CHAT: variants seen among roughly 807,000 people sequenced by gnomAD.
CHAT encodes choline O-acetyltransferase, also known as acetyl CoA:choline O-acetyltransferase.
Under a neutral mutation model 76.9 loss-of-function variants are expected in CHAT, and 61 were observed. That is an observed-to-expected ratio of 0.79 (90% confidence interval 0.65 to 0.98). The LOEUF (loss-of-function observed/expected upper bound fraction) is 0.98. CHAT is among the 50% of genes least tolerant of loss of function. CHAT has a pLI of 0.00. For synonymous variants in CHAT, 407 were observed against 397.4 expected (o/e 1.02, Z -0.29); for missense variants, 946 against 986.9 (o/e 0.96, Z 0.56).
At chr10:49,626,813 CA>C (rs1838938346) in intron 6 of CHAT, among the ~76,000 whole-genome samples, 1 of 152,242 alleles carries the variant, frequency 6.6e-6, no homozygotes, top group African/African-American at 2.4e-5. Context: ...AGACCCTTCA[CA>C]AAGCCCAAGG....
Position 49,633,604 on chromosome 10 carries a change from T to C in CHAT, c.1111+5819T>C, listed in dbSNP as rs11101188. Among the ~76,000 whole-genome samples, 1,521 of 152,276 alleles carry C rather than the reference T, an allele frequency of 1.0e-2. 23 individuals carry two copies. The highest frequency in any genetic ancestry group is 0.034 in the African/African-American group (1,405 of 41,572). On this transcript the variant is annotated intron_variant, in intron 7 of 14. Coordinates refer to ENST00000337653, the MANE Select transcript of CHAT (RefSeq NM_020549.5). ...ACCCTATTAGGACCTCCCTCCCCAC[T>C]GCCTCGAAGCTGTGGCCTTCCTGAA...
intron 7 of CHAT, among the ~76,000 whole-genome samples, chr10:49,628,446 C>T (rs1199015994): frequency 6.6e-6 from 1 of 152,102 alleles, no homozygotes; most frequent in African/African-American, 2.4e-5. Context: ...CTTTATTTAC[C>T]CCTCAGAATT....
At chr10:49,641,515 G>A (rs116800511) in intron 7 of CHAT, among the ~76,000 whole-genome samples, 398 of 152,308 alleles carry the variant, frequency 2.6e-3, no homozygotes, top group African/African-American at 8.9e-3. Context: ...TTTTGCAAGA[G>A]TGAGAAATAC....
chr10:49,648,152 G>A (rs1348811262), intron 8 of CHAT: 1 of 386,644 alleles, frequency 2.6e-6, no homozygotes, highest in Non-Finnish European at 4.8e-6. Context: ...CCCGATGTGA[G>A]CTATGACAGG....
intron 7 of CHAT, among the ~76,000 whole-genome samples, chr10:49,640,469 C>G (rs1839442304): frequency 2.0e-5 from 3 of 151,138 alleles, no homozygotes; most frequent in Non-Finnish European, 3.0e-5. Flanking sequence ...TGTTGACACC[C>G]TGGGGGAGGG....
intron 13 of CHAT, among the ~76,000 whole-genome samples, chr10:49,658,172 A>T (rs940324426): frequency 6.6e-6 from 1 of 152,048 alleles, no homozygotes; most frequent in African/African-American, 2.4e-5. Context: ...ACCTGAGGTC[A>T]GGAGATCGAG....
chr10:49,618,816 C>T (rs10857518), intron 2 of CHAT, among the ~76,000 whole-genome samples: 40 of 152,048 alleles, frequency 2.6e-4, no homozygotes, highest in Non-Finnish European at 2.9e-5. Context: ...TTGGGAATTC[C>T]TCTGGAAGTA....
At chr10:49,635,749 T>C (rs1302016132) in intron 7 of CHAT, among the ~76,000 whole-genome samples, 1 of 152,170 alleles carries the variant, frequency 6.6e-6, no homozygotes, top group African/African-American at 2.4e-5. Context: ...TAAAATCTCT[T>C]AGAGAACTAG....
At position 49,658,069 on chromosome 10, in the gene CHAT, T is replaced by G. The variant is rs1840085581; in HGVS notation, c.1839+2621T>G. Among the ~76,000 whole-genome samples the G allele has an allele frequency of 2.0e-5, 3 of 152,192 alleles. No individual in the cohort carries two copies. In the South Asian group the frequency reaches 6.2e-4, roughly 32 times the overall value. ...AACACCAACAAACATTTTTGCTAAT[T>G]AAAAAAATCTTTTTAAAAAAACTTA... On this transcript the variant is annotated intron_variant, in intron 13 of 14. Coordinates refer to ENST00000337653, the MANE Select transcript of CHAT (RefSeq NM_020549.5).
intron 7 of CHAT, among the ~76,000 whole-genome samples, chr10:49,645,789 C>A (rs1431975111): frequency 6.6e-6 from 1 of 152,138 alleles, no homozygotes; most frequent in African/African-American, 2.4e-5. Context: ...AGAAGAATGT[C>A]TAGAGGAGCC....
chr10:49,639,885 T>C (rs1839422994), intron 7 of CHAT, among the ~76,000 whole-genome samples: 1 of 152,200 alleles, frequency 6.6e-6, no homozygotes, highest in Non-Finnish European at 1.5e-5. Context: ...TTAGACTCTG[T>C]TCCTTTTCCC....
At chr10:49,664,682 C>A in intron 14 of CHAT, 95 bp from the exon 15 acceptor site, 2 of 1,487,508 alleles carry the variant, frequency 1.3e-6, no homozygotes, top group Non-Finnish European at 1.9e-6. Flanking sequence ...TTAATTCAGT[C>A]AAACCCCCAG....
intron 7 of CHAT, among the ~76,000 whole-genome samples, chr10:49,641,997 G>T (rs1243734027): frequency 6.6e-6 from 1 of 152,128 alleles, no homozygotes; most frequent in Admixed American, 6.5e-5. Context: ...CAGCCTCAGG[G>T]CTCCCCGAGG....
At chr10:49,616,126 G>A (rs760800835) in intron 1 of CHAT, 1 of 1,585,270 alleles carries the variant, frequency 6.3e-7, no homozygotes, top group Non-Finnish European at 8.7e-7. Flanking sequence ...TAGTGGGAAA[G>A]AGAGAGTTTG....
upstream of CHAT, among the ~76,000 whole-genome samples, chr10:49,610,112 G>C (rs531391164): frequency 3.2e-3 from 486 of 151,968 alleles, 3 homozygotes; most frequent in African/African-American, 0.011. Flanking sequence ...CACACCGAGA[G>C]CCCTTCCTGG....
intron 13 of CHAT, 36 bp from the exon 14 acceptor site, chr10:49,662,609 C>G (rs746000750): frequency 6.2e-7 from 1 of 1,613,382 alleles, no homozygotes; most frequent in Non-Finnish European, 8.5e-7. Context: ...AGGAGGCCCA[C>G]TTCTCATCTC....
At chr10:49,625,436 C>T in intron 5 of CHAT, 37 bp from the exon 6 acceptor site, 1 of 1,604,238 alleles carries the variant, frequency 6.2e-7, no homozygotes, top group Non-Finnish European at 8.5e-7. Flanking sequence ...CCCACCATCC[C>T]CTCGTGGCTG....
Position 49,664,755 on chromosome 10 carries a change from C to A in CHAT, c.1978-22C>A, listed in dbSNP as rs200076983. 2.7e-4 allele frequency: 436 copies of A among 1,614,180 alleles called. 2 individuals are homozygous for A. In the Middle Eastern group the frequency reaches 3.6e-3, roughly 13 times the overall value. ...GGGCTGCATTCCAGAACAAGCAGCT[C>A]CTGACCTGTCCTCTCCTCCAGGTGC... On this transcript the variant is annotated intron_variant, in intron 14 of 14. Coordinates refer to ENST00000337653, the MANE Select transcript of CHAT (RefSeq NM_020549.5).
chr10:49,626,419 C>A (rs1215430015), intron 6 of CHAT, among the ~76,000 whole-genome samples: 1 of 152,212 alleles, frequency 6.6e-6, no homozygotes, highest in East Asian at 1.9e-4. Flanking sequence ...AGTTTGGCAA[C>A]CATCCCAGGG....
Sources: allele counts gnomAD v4.1 joint callset (sites outside exome capture counted in the v4.1 genomes callset), GRCh38; gene constraint gnomAD v4.1.1; transcripts MANE v1.5; gene names NCBI Gene and HGNC (gene_info 2026-07-23, HGNC 2026-07-21).